The following SEMA6C variants were observed in gnomAD, a reference collection of about 807,000 sequenced individuals.
The protein encoded by SEMA6C is semaphorin-6C.
Under a neutral mutation model 72.9 loss-of-function variants are expected in SEMA6C, and 37 were observed. The observed-to-expected ratio is 0.51, with a 90% confidence interval of 0.39 to 0.67. SEMA6C has a LOEUF of 0.67. Among genes scored for constraint, SEMA6C ranks in the 30% least tolerant of loss-of-function variants. The pLI is 0.00. For synonymous variants in SEMA6C, 578 were observed against 554.1 expected (o/e 1.04, Z -0.61); for missense variants, 1,189 against 1,263.6 (o/e 0.94, Z 0.89).
Position 151,132,176 on chromosome 1 carries a change from G to C in SEMA6C, c.*308C>G, listed in dbSNP as rs775494344. The C allele has an allele frequency of 4.9e-6, 7 of 1,426,610 alleles. No homozygotes were observed. In the South Asian group the frequency reaches 8.6e-5, roughly 17 times the overall value. 88.4% of individuals were successfully genotyped at this position (1,426,610 alleles called of 1,614,324 possible). ...GCGGCCCGCCCGGGGCACAGTCTCTGGGGGAGCCCCGAGGGGCGAGTTAAG... is the reference window on the plus strand; with the variant it reads ...GCGGCCCGCCCGGGGCACAGTCTCTCGGGGAGCCCCGAGGGGCGAGTTAAG... On this transcript the variant is annotated 3_prime_UTR_variant, in exon 19 of 19. Transcript: ENST00000368914.
intron 15 of SEMA6C, 128 bp from the exon 16 acceptor site, chr1:151,135,003 T>A (rs1681900522): frequency 7.5e-7 from 1 of 1,338,556 alleles, no homozygotes; most frequent in South Asian, 1.3e-5. Flanking sequence ...CCTCAGTCTC[T>A]CCACACCCTG....
chr1:151,133,334 G>A lies in SEMA6C; in HGVS notation c.1943C>T (p.Pro648Leu), dbSNP rs375670574. 12 of 1,595,906 alleles carry A rather than the reference G, an allele frequency of 7.5e-6. No homozygotes were observed. Among genetic ancestry groups the A allele is most frequent in the Non-Finnish European group, 1.0e-5 (12 of 1,173,866 alleles). The change falls in exon 19 of 19, where the codon CCT becomes CTT. Residue 648 changes from proline to leucine, a missense_variant. Pro to Leu is a moderately conservative substitution (Grantham distance 98). Transcript: ENST00000368914. This position sits in a 1 kb window ranked among gnomAD's most constrained non-coding sequence, Gnocchi z 5.9. The part of the protein sequence containing the change: ...KDIETPGLPR[P>L]LSLRSLARLH... Reference sequence around the variant, plus strand: ...CCGGGCCAAACTGCGGAGGGAGAGAGGGCGCGGGAGCCCCGGAGTCTCGAT... The same window carrying A: ...CCGGGCCAAACTGCGGAGGGAGAGAAGGCGCGGGAGCCCCGGAGTCTCGAT...
chr1:151,132,351 C>T lies in SEMA6C; in HGVS notation c.*133G>A, dbSNP rs1372128422. On this transcript the variant is annotated 3_prime_UTR_variant, in exon 19 of 19. Transcript: ENST00000368914. The stretch of plus-strand genomic sequence containing the variant: ...TAAATAAACCCGAGGCGAAAAGGGG[C>T]CTCGGGAGACTCTGCGAGTCGGGAA... 1.3e-6 allele frequency: 2 copies of T among 1,538,566 alleles called. No individual in the cohort carries two copies. The highest frequency in any genetic ancestry group is 2.8e-5 in the African/African-American group (2 of 72,524).
In SEMA6C at chr1:151,132,177, G is replaced by A. The variant is rs768793583; in HGVS notation, c.*307C>T. 1 of 1,429,012 alleles carries A rather than the reference G, an allele frequency of 7.0e-7. No individual in the cohort carries two copies. The highest frequency in any genetic ancestry group is 1.2e-5 in the South Asian group (1 of 81,684). The allele number at this position is 1,429,012 out of a possible 1,614,324, so 88.5% of individuals were successfully genotyped here. A position where few individuals can be genotyped will look rare whatever the true frequency, so the allele number is the denominator to read the frequency against. On this transcript the variant is annotated 3_prime_UTR_variant, in exon 19 of 19. Coordinates refer to ENST00000368914, the MANE Select transcript of SEMA6C (RefSeq NM_030913.6). ...CGGCCCGCCCGGGGCACAGTCTCTG[G>A]GGGAGCCCCGAGGGGCGAGTTAAGG...
At position 151,132,622 on chromosome 1, in the gene SEMA6C, G is replaced by A. The variant is rs1051884025; in HGVS notation, c.2655C>T (p.Tyr885=). The stretch of plus-strand genomic sequence containing the variant: ...CCCGGTAGCCCTCGGGCCGGCCCAG[G>A]TACAGGAGGTGCTTCCCGGGACCCC... ...YSGGPGKHLL[Y]LGRPEGYRGR... is the part of the protein sequence containing the mutation. Residue 885 remains tyrosine (Y), a synonymous_variant, in exon 19 of 19, where the codon TAC becomes TAT. Coordinates refer to ENST00000368914, the MANE Select transcript of SEMA6C (RefSeq NM_030913.6). 85 of 1,550,870 alleles carry A rather than the reference G, an allele frequency of 5.5e-5. No homozygotes were observed. Among genetic ancestry groups the A allele is most frequent in the Non-Finnish European group, 6.9e-5 (79 of 1,147,090 alleles).
Position 151,136,996 on chromosome 1 carries a change from AT to A in SEMA6C, c.834del (p.Ser279ProfsTer3). On this transcript the variant is annotated frameshift_variant, in exon 11 of 19. Transcript: ENST00000368914. LOFTEE classifies it high-confidence loss of function. ...CAGTTGAGCCGAAGCTTCAGGAAGGATGTCCAGTGGCGGTCCAAGGCCCGAG... is the reference window on the plus strand; with the variant it reads ...CAGTTGAGCCGAAGCTTCAGGAAGGAGTCCAGTGGCGGTCCAAGGCCCGAG... ...GSPRALDRHWTSFLKLRLNCS... is the reference protein window; with the variant it reads ...GSPRALDRHWXSFLKLRLNCS... 6.2e-7 allele frequency: 1 copy of A among 1,614,138 alleles called. No homozygotes were observed. Among genetic ancestry groups the A allele is most frequent in the Non-Finnish European group, 8.5e-7 (1 of 1,180,024 alleles).
Position 151,132,720 on chromosome 1 carries a change from GCAACCTC to G in SEMA6C, c.2550_2556del (p.Arg851LeufsTer45), listed in dbSNP as rs1450244194. 1 of 1,481,414 alleles carries G rather than the reference GCAACCTC, an allele frequency of 6.8e-7. No homozygotes were observed. The highest frequency in any genetic ancestry group is 9.0e-7 in the Non-Finnish European group (1 of 1,115,088). The allele number at this position is 1,481,414 out of a possible 1,614,324, so 91.8% of individuals were successfully genotyped here. The stretch of plus-strand genomic sequence containing the variant: ...GGGGGGGCCCGGTGGCCGGAGAAAG[GCAACCTC>G]CGGCCTCCGCCGACGCCCAGCCGGG... On this transcript the variant is annotated frameshift_variant, in exon 19 of 19. Transcript: ENST00000368914. LOFTEE classifies it low-confidence loss of function (END_TRUNC).
rs751275926 is a variant in SEMA6C, at chr1:151,137,978, G to A, written c.667+8C>T. Reference sequence around the variant, plus strand: ...ATAACAGTCTCCTTTCCCCAGGCCCGCCCTGACCTCGGAGCCACTTGGAGT... The same window carrying A: ...ATAACAGTCTCCTTTCCCCAGGCCCACCCTGACCTCGGAGCCACTTGGAGT... On this transcript the variant is annotated splice_region_variant and intron_variant, in intron 9 of 18. Transcript: ENST00000368914. The A allele has an allele frequency of 2.2e-5, 35 of 1,612,898 alleles. No individual in the cohort carries two copies. Among genetic ancestry groups the A allele is most frequent in the Non-Finnish European group, 2.5e-5 (30 of 1,179,424 alleles).
chr1:151,137,338 C>G (rs587629483), intron 10 of SEMA6C, among the ~76,000 whole-genome samples: 1 of 150,106 alleles, frequency 6.7e-6, no homozygotes, highest in South Asian at 2.1e-4. Flanking sequence ...CCCAGCTGCT[C>G]GGGAGGCTGA....
rs1480204480 is a variant in SEMA6C at position 151,132,644 on chromosome 1, C to T, written c.2633G>A (p.Gly878Asp). ...CAGGTACAGGAGGTGCTTCCCGGGACCCCCGGAGTACCTGGAGGGACCTCC... is the reference window on the plus strand; with the variant it reads ...CAGGTACAGGAGGTGCTTCCCGGGATCCCCGGAGTACCTGGAGGGACCTCC... Reference protein sequence around the residue: ...PSGGPSRYSGGPGKHLLYLGR... With the variant: ...PSGGPSRYSGDPGKHLLYLGR... Residue 878 changes from glycine to aspartate, a missense_variant, in exon 19 of 19, where the codon GGT becomes GAT. Around this residue, in one of 2 missense-constraint regions of SEMA6C, gnomAD observed 721 missense variants for 686.2 expected, o/e 1.05. Coordinates refer to ENST00000368914, the MANE Select transcript of SEMA6C (RefSeq NM_030913.6). 17 of 1,550,324 alleles carry T rather than the reference C, an allele frequency of 1.1e-5. No homozygotes were observed. The highest frequency in any genetic ancestry group is 7.1e-5 in the South Asian group (6 of 84,084).
intron 18 of SEMA6C, chr1:151,134,116 C>T: frequency 1.6e-6 from 2 of 1,216,284 alleles, no homozygotes; most frequent in South Asian, 1.6e-5. Flanking sequence ...TGACACCCTT[C>T]CAGGGGTCCT....
rs777169292 is a variant in SEMA6C, at chr1:151,133,332, G to C, written c.1945C>G (p.Leu649Val). 6.3e-7 allele frequency: 1 copy of C among 1,595,374 alleles called. No homozygotes were observed. Among genetic ancestry groups the C allele is most frequent in the African/African-American group, 1.3e-5 (1 of 74,508 alleles). Residue 649 changes from leucine (L) to valine (V), a missense_variant, in exon 19 of 19, where the codon CTC becomes GTC. Leu to Val is a conservative substitution (Grantham distance 32). This residue lies in a region of SEMA6C where 721 missense variants were observed against 686.2 expected (regional missense o/e 1.05). Coordinates refer to ENST00000368914, the MANE Select transcript of SEMA6C (RefSeq NM_030913.6). The surrounding 1 kb of genome is among the most constrained non-coding windows in gnomAD (Gnocchi z 5.9). ...AGCCGGGCCAAACTGCGGAGGGAGAGAGGGCGCGGGAGCCCCGGAGTCTCG... is the reference window on the plus strand; with the variant it reads ...AGCCGGGCCAAACTGCGGAGGGAGACAGGGCGCGGGAGCCCCGGAGTCTCG... The part of the protein sequence containing the change: ...DIETPGLPRP[L>V]SLRSLARLHG...
Position 151,135,690 on chromosome 1 carries a change from G to T in SEMA6C, c.1334C>A (p.Ser445Tyr). 1 of 1,614,190 alleles carries T rather than the reference G, an allele frequency of 6.2e-7. No individual in the cohort carries two copies. The highest frequency in any genetic ancestry group is 8.5e-7 in the Non-Finnish European group (1 of 1,180,024). Residue 445 changes from serine to tyrosine, a missense_variant, in exon 14 of 19, where the codon TCC (serine) becomes TAC (tyrosine). Ser to Tyr is a moderately radical substitution (Grantham distance 144). Transcript: ENST00000368914. The part of the protein sequence containing the change: ...HSNITVMFLG[S>Y]NDGTVLKVLT... ...CACCTTCAGCACTGTCCCATCATTG[G>T]AGCCAAGGAACATGACTGTGATGTT...
Position 151,135,777 on chromosome 1 carries a change from G to A in SEMA6C, c.1260-13C>T. The A allele has an allele frequency of 6.2e-7, 1 of 1,613,116 alleles. No homozygotes were observed. The highest frequency in any genetic ancestry group is 2.2e-5 in the East Asian group (1 of 44,886). On this transcript the variant is annotated splice_polypyrimidine_tract_variant and intron_variant, in intron 13 of 18. Coordinates refer to ENST00000368914, the MANE Select transcript of SEMA6C (RefSeq NM_030913.6). Reference sequence around the variant, plus strand: ...GGTCAGTAGGGCCCTGGAGGAAAGGGCCTCAGGTCAGGGAACCTGTCTAGT... The same window carrying A: ...GGTCAGTAGGGCCCTGGAGGAAAGGACCTCAGGTCAGGGAACCTGTCTAGT...
intron 3 of SEMA6C, among the ~76,000 whole-genome samples, chr1:151,141,830 C>T (rs1441714667): frequency 1.3e-5 from 2 of 151,156 alleles, no homozygotes; most frequent in South Asian, 4.2e-4. Flanking sequence ...TCACAGGCGC[C>T]ATCACAGAGC....
chr1:151,138,879 G>C, intron 6 of SEMA6C, 148 bp from the exon 7 acceptor site: 3 of 644,708 alleles, frequency 4.7e-6, no homozygotes, highest in Non-Finnish European at 8.4e-6. Context: ...GGTTGCCTGA[G>C]TTCAGGAGTT....
chr1:151,138,403 T>C lies in SEMA6C; in HGVS notation c.460A>G (p.Thr154Ala). 1.2e-6 allele frequency: 2 copies of C among 1,613,390 alleles called. No homozygotes were observed. Among genetic ancestry groups the C allele is most frequent in the African/African-American group, 2.7e-5 (2 of 75,036 alleles). ...FSPVCRSYGITSLQQEGEELS... is the reference protein window; with the variant it reads ...FSPVCRSYGIASLQQEGEELS... ...TCCTCACCCTCCTGCTGCAGCGAAGTTATCTGAGGGCAGAGGGAGCAGATG... is the reference window on the plus strand; with the variant it reads ...TCCTCACCCTCCTGCTGCAGCGAAGCTATCTGAGGGCAGAGGGAGCAGATG... Residue 154 changes from threonine (T) to alanine (A), a missense_variant, in exon 8 of 19, where the codon ACT becomes GCT. Physicochemically the swap from Thr to Ala is moderately conservative, Grantham distance 58. Coordinates refer to ENST00000368914, the MANE Select transcript of SEMA6C (RefSeq NM_030913.6).
At position 151,134,736 on chromosome 1, in the gene SEMA6C, C is replaced by A. The variant is rs587631591; in HGVS notation, c.1659-61G>T. 27 of 1,612,446 alleles carry A rather than the reference C, an allele frequency of 1.7e-5. 1 individual carries two copies. In the South Asian group the frequency reaches 3.0e-4, roughly 18 times the overall value. On this transcript the variant is annotated intron_variant, in intron 16 of 18. Coordinates refer to ENST00000368914, the MANE Select transcript of SEMA6C (RefSeq NM_030913.6). The stretch of plus-strand genomic sequence containing the variant: ...CGTTGTCCGTATCTCCCACTCTGGC[C>A]CTCAGCTTGTCTTATTGGTGGGGAA...
rs1281895631 is a variant in SEMA6C at position 151,140,576 on chromosome 1, C to T, written c.119-486G>A. The stretch of plus-strand genomic sequence containing the variant: ...AAGGCTCTTCACAGGCCACCTCAGC[C>T]CTCCAAGGTTTCTGCCTCCTCTGAC... On this transcript the variant is annotated intron_variant, in intron 3 of 18. Coordinates refer to ENST00000368914, the MANE Select transcript of SEMA6C (RefSeq NM_030913.6). 3.3e-5 allele frequency among the ~76,000 whole-genome samples: 5 copies of T among 152,222 alleles called. 1 individual carries two copies. Among genetic ancestry groups the T allele is most frequent in the Admixed American group, 3.3e-4 (5 of 15,276 alleles).
Sources: allele counts gnomAD v4.1 joint callset (sites outside exome capture counted in the v4.1 genomes callset), GRCh38; gene constraint gnomAD v4.1.1; regional missense constraint gnomAD v4.1.1; non-coding constraint Gnocchi (gnomAD v3.1); transcripts MANE v1.5; gene names NCBI Gene and HGNC (gene_info 2026-07-23, HGNC 2026-07-21).